The following KCNQ5 variants were observed in gnomAD, a reference collection of about 807,000 sequenced individuals.
The protein encoded by KCNQ5 is potassium voltage-gated channel subfamily Q member 5.
KCNQ5 carries 30 observed loss-of-function variants against 98.2 expected under a neutral mutation model. The observed-to-expected ratio is 0.31, with a 90% CI of 0.23 to 0.41. The LOEUF (loss-of-function observed/expected upper bound fraction) is 0.41, where lower values mean the gene tolerates loss of function less well. Among genes scored for constraint, KCNQ5 ranks in the 10% least tolerant of loss-of-function variants. The pLI, the probability that KCNQ5 is intolerant of heterozygous loss-of-function variation, is 1.00. For missense variants in KCNQ5, 835 were observed against 1,182.5 expected, an observed-to-expected ratio of 0.71 and a Z score of 4.31; for synonymous variants, 458 against 449.4, an observed-to-expected ratio of 1.02 and a Z score of -0.24.
intron 1 of KCNQ5, among the ~76,000 whole-genome samples, chr6:72,855,645 C>A (rs1313195613): frequency 6.6e-6 from 1 of 152,068 alleles, no homozygotes; most frequent in Admixed American, 6.6e-5. Context: ...GAAATTTTGG[C>A]TAATATTAGA....
intron 11 of KCNQ5, 121 bp from the exon 12 acceptor site, chr6:73,190,451 CA>C (rs1232703415): frequency 4.2e-6 from 2 of 471,218 alleles, no homozygotes; most frequent in Non-Finnish European, 3.5e-6. Context: ...CTGCAGAAGC[CA>C]AAAATAATTT....
At chr6:72,772,051 A>G (rs1772923290) in intron 1 of KCNQ5, among the ~76,000 whole-genome samples, 1 of 152,142 alleles carries the variant, frequency 6.6e-6, no homozygotes, top group Admixed American at 6.6e-5. Context: ...AACTTACTTT[A>G]TATATTTTAT....
At position 72,741,156 on chromosome 6, in the gene KCNQ5, C is replaced by T. The variant is rs557643925; in HGVS notation, c.398+118569C>T. On this transcript the variant is annotated intron_variant, in intron 1 of 13. Coordinates refer to ENST00000370398, the MANE Select transcript of KCNQ5 (RefSeq NM_019842.4). The stretch of plus-strand genomic sequence containing the variant: ...ATGTTTAGAAAAGCTGAATAGGCAA[C>T]GAGTTGAACTTTGATTGGCATGAGC... Among the ~76,000 whole-genome samples the T allele has an allele frequency of 4.6e-5, 7 of 152,288 alleles. No individual in the cohort carries two copies. In the South Asian group the frequency reaches 8.3e-4, roughly 18 times the overall value.
At chr6:72,949,207 G>T (rs1766683824) in intron 1 of KCNQ5, among the ~76,000 whole-genome samples, 1 of 152,172 alleles carries the variant, frequency 6.6e-6, no homozygotes, top group African/African-American at 2.4e-5. Context: ...TAAATCATCT[G>T]CCTGTGCTGT....
chr6:73,106,075 G>A (rs1774986224), intron 6 of KCNQ5, among the ~76,000 whole-genome samples: 1 of 152,156 alleles, frequency 6.6e-6, no homozygotes, highest in Non-Finnish European at 1.5e-5. Context: ...CAATAAAAAG[G>A]AGGGTTAACG....
intron 1 of KCNQ5, among the ~76,000 whole-genome samples, chr6:72,861,876 C>G (rs911414888): frequency 1.3e-5 from 2 of 151,724 alleles, no homozygotes; most frequent in African/African-American, 4.8e-5. Flanking sequence ...ATAAAAACTC[C>G]TTTAAACCAA....
chr6:73,042,274 T>A, intron 3 of KCNQ5: 1 of 581,194 alleles, frequency 1.7e-6, no homozygotes, highest in South Asian at 2.0e-5. Context: ...ATTTTACAGT[T>A]GAAGAATTTG....
intron 5 of KCNQ5, 97 bp downstream of exon 5, chr6:73,077,984 T>A: frequency 2.0e-6 from 2 of 1,010,228 alleles, no homozygotes; most frequent in South Asian, 4.0e-5. Context: ...AATAAAAATA[T>A]TAAATTGCGA....
chr6:72,692,298 C>G (rs145360555), intron 1 of KCNQ5, among the ~76,000 whole-genome samples: 1 of 152,142 alleles, frequency 6.6e-6, no homozygotes, highest in Non-Finnish European at 1.5e-5. Flanking sequence ...GCTATAGGAG[C>G]ACAGAGTGAG....
chr6:73,137,924 A>G (rs1776538561), intron 10 of KCNQ5, among the ~76,000 whole-genome samples: 1 of 151,922 alleles, frequency 6.6e-6, no homozygotes, highest in South Asian at 2.1e-4. Flanking sequence ...TGCTCTTCCA[A>G]CTTCAATCGG....
chr6:73,054,063 C>G (rs951687983), intron 3 of KCNQ5, among the ~76,000 whole-genome samples: 1 of 152,122 alleles, frequency 6.6e-6, no homozygotes, highest in African/African-American at 2.4e-5. Context: ...CTACTAAAAA[C>G]ACCTCTATGC....
chr6:73,177,712 TCTTTGTTTGCAAGTCA>T (rs1778266743), intron 11 of KCNQ5, among the ~76,000 whole-genome samples: 1 of 152,218 alleles, frequency 6.6e-6, no homozygotes, highest in Non-Finnish European at 1.5e-5. Context: ...AGGTGATGAG[TCTTTGTTTGCAAGTCA>T]CTATTAAGAC....
intron 3 of KCNQ5, among the ~76,000 whole-genome samples, chr6:73,070,861 C>T (rs1444398148): frequency 1.3e-5 from 2 of 152,142 alleles, no homozygotes; most frequent in Non-Finnish European, 2.9e-5. Context: ...AAGGGAAGCA[C>T]ATATCTGTGG....
At chr6:72,770,065 C>T (rs980590320) in intron 1 of KCNQ5, among the ~76,000 whole-genome samples, 1 of 152,144 alleles carries the variant, frequency 6.6e-6, no homozygotes, top group African/African-American at 2.4e-5. Context: ...GCCATCTCTA[C>T]ACCATCTCAA....
chr6:72,666,405 C>CACTATCGT (rs1265931880), intron 1 of KCNQ5, among the ~76,000 whole-genome samples: 1 of 152,108 alleles, frequency 6.6e-6, no homozygotes, highest in East Asian at 1.9e-4. Flanking sequence ...TAATCAATAT[C>CACTATCGT]ACTATCGTAA....
chr6:73,061,994 G>A (rs1772803293), intron 3 of KCNQ5, among the ~76,000 whole-genome samples: 1 of 152,136 alleles, frequency 6.6e-6, no homozygotes, highest in South Asian at 2.1e-4. Context: ...CCTAGAATTT[G>A]AGAGTCTGTG....
chr6:72,762,274 TTG>T (rs1470013050), intron 1 of KCNQ5, among the ~76,000 whole-genome samples: 1 of 152,082 alleles, frequency 6.6e-6, no homozygotes, highest in East Asian at 1.9e-4. Context: ...TTTTAAATTG[TTG>T]GTTTTAGTTT....
At chr6:72,870,830 A>G (rs1778174707) in intron 1 of KCNQ5, among the ~76,000 whole-genome samples, 1 of 152,202 alleles carries the variant, frequency 6.6e-6, no homozygotes, top group African/African-American at 2.4e-5. Flanking sequence ...GTATGTCATC[A>G]TGATAACTAT....
chr6:73,076,329 G>A (rs1330100119), intron 3 of KCNQ5, among the ~76,000 whole-genome samples: 2 of 152,188 alleles, frequency 1.3e-5, no homozygotes, highest in African/African-American at 4.8e-5. Context: ...GCCCAGTCAT[G>A]CACAACCCAC....
Sources: gnomAD v4.1 joint callset for allele counts (sites outside exome capture counted in the v4.1 genomes callset) on GRCh38, gnomAD v4.1.1 for gene constraint, MANE v1.5 for transcripts, NCBI Gene and HGNC (gene_info 2026-07-23, HGNC 2026-07-21) for gene names.